The following TAF6 variants were observed in gnomAD, a reference collection of about 807,000 sequenced individuals.
TAF6 encodes the protein transcription initiation factor TFIID subunit 6.
A neutral mutation model predicts 73.5 loss-of-function variants in TAF6; 50 were observed. That is an observed-to-expected ratio of 0.68 (90% confidence interval 0.54 to 0.86). The LOEUF (loss-of-function observed/expected upper bound fraction) is 0.86. Ranked by LOEUF, TAF6 falls within the 40% of genes least tolerant of loss-of-function variation. The probability of loss-of-function intolerance (pLI) is 0.00; values close to 1 mark genes in which losing one functional copy is unlikely to be tolerated. For synonymous variants in TAF6, 424 were observed against 376.7 expected (o/e 1.13, Z -1.45); for missense variants, 768 against 899.5 (o/e 0.85, Z 1.87).
chr7:100,119,323 G>C lies in TAF6; in HGVS notation c.-179C>G. On this transcript the variant is annotated 5_prime_UTR_variant, in exon 1 of 15. Coordinates refer to ENST00000453269, the MANE Select transcript of TAF6 (RefSeq NM_139315.3). ...AAACTCTAGCGGCAGCCGAGACGCT[G>C]CTCACCCGGCGCTCGGCGCCATCTT... The C allele has an allele frequency of 7.7e-6, 8 of 1,035,078 alleles. No homozygotes were observed. Among genetic ancestry groups the C allele is most frequent in the Non-Finnish European group, 9.3e-6 (8 of 859,556 alleles). The allele number at this position is 1,035,078 out of a possible 1,614,324, so 64.1% of individuals were successfully genotyped here. A position where few individuals can be genotyped will look rare whatever the true frequency, so the allele number is the denominator to read the frequency against.
rs567898189 is a variant in TAF6 at position 100,113,547 on chromosome 7, C to G, written c.397+69G>C. 5 of 1,565,106 alleles carry G rather than the reference C, an allele frequency of 3.2e-6. No individual in the cohort carries two copies. In the Admixed American group the frequency reaches 9.3e-5, roughly 29 times the overall value. On this transcript the variant is annotated intron_variant, in intron 4 of 14. Transcript: ENST00000453269. ...ACTGAGCTTTTCTTCTATTGTGAGGCTCCTCACACCTACACACATCTGTCC... is the reference window on the plus strand; with the variant it reads ...ACTGAGCTTTTCTTCTATTGTGAGGGTCCTCACACCTACACACATCTGTCC...
upstream of TAF6, among the ~76,000 whole-genome samples, chr7:100,123,905 C>T (rs552892849): frequency 3.9e-5 from 6 of 152,096 alleles, no homozygotes; most frequent in Admixed American, 1.3e-4. Flanking sequence ...GCGAGACAGG[C>T]GGATCACGAC....
intron 1 of TAF6, chr7:100,118,937 C>T (rs1277372156): frequency 4.1e-6 from 4 of 985,258 alleles, no homozygotes; most frequent in African/African-American, 1.7e-5. Context: ...CTGGCGAACT[C>T]CTACGAATCC....
At position 100,111,445 on chromosome 7, in the gene TAF6, C is replaced by T. The variant is rs4134908; in HGVS notation, c.901-124G>A. On this transcript the variant is annotated intron_variant, in intron 9 of 14. Coordinates refer to ENST00000453269, the MANE Select transcript of TAF6 (RefSeq NM_139315.3). ...ATGGCTAACTGCAGCATCAATCTCC[C>T]GGGCTCAAGCAATTCTCCCATCTCA... is the stretch of plus-strand genomic sequence containing the variant. 5,618 of 1,215,566 alleles carry T rather than the reference C, an allele frequency of 4.6e-3. 202 individuals are homozygous for T. The African/African-American group carries it at 0.077, about 17-fold the overall frequency. 75.3% of individuals were successfully genotyped at this position (1,215,566 alleles called of 1,614,324 possible).
At chr7:100,119,620 G>A, upstream of TAF6, 3 of 1,586,690 alleles carry the variant, frequency 1.9e-6, no homozygotes, top group South Asian at 1.1e-5. Context: ...GGCTGATCCT[G>A]CGCATGCGCC....
At chr7:100,126,443 G>A in the TAF6 span, among the ~76,000 whole-genome samples, 4 of 151,908 alleles carry the variant, frequency 2.6e-5, no homozygotes, top group African/African-American at 7.3e-5. Context: ...TTCAAGACTG[G>A]GGCGAGCTAT....
upstream of TAF6, among the ~76,000 whole-genome samples, chr7:100,123,850 G>T (rs1357092522): frequency 1.3e-5 from 2 of 152,178 alleles, no homozygotes; most frequent in East Asian, 1.9e-4. Context: ...GTAATAATGG[G>T]CCAGGTGCGA....
chr7:100,121,786 C>G (rs967251420), upstream of TAF6, among the ~76,000 whole-genome samples: 1 of 150,610 alleles, frequency 6.6e-6, no homozygotes, highest in Non-Finnish European at 1.5e-5. Flanking sequence ...CGTGGTGGCT[C>G]ACGCCTGTAA....
upstream of TAF6, chr7:100,121,116 ATTTTTTTTTTTTTTTTTTTT>A (rs1163501525): frequency 3.8e-5 from 2 of 52,778 alleles, no homozygotes; most frequent in East Asian, 4.9e-4. Context: ...ATATATATAT[ATTTTTTTTTTTTTTTTTTTT>A]TTTTTTTTTT....
chr7:100,124,356 G>GT (rs1218322781), upstream of TAF6: 1 of 605,652 alleles, frequency 1.7e-6, no homozygotes, highest in Non-Finnish European at 2.9e-6. Flanking sequence ...GCTGGTAAAT[G>GT]TTTGTTGAAT....
chr7:100,118,663 AAAAC>A (rs1376332581), intron 1 of TAF6: 23 of 193,318 alleles, frequency 1.2e-4, no homozygotes, highest in African/African-American at 5.2e-4. Flanking sequence ...TCTCAAAAAA[AAAAC>A]AAAAAAAAAT....
rs772569867 is a variant in TAF6 at position 100,107,513 on chromosome 7, G to A, written c.1767C>T (p.Thr589=). ...AGGGAGCAGTGCTGGGGGGTGCGGT[G>A]GTGGCGGTGGAGACCAACTTGACGA... ...QPIVKLVSTA[T]TAPPSTAPSG... Residue 589 remains threonine, a synonymous_variant, in exon 15 of 15, where the codon ACC becomes ACT. Transcript: ENST00000453269. 2.2e-5 allele frequency: 36 copies of A among 1,614,012 alleles called. No individual in the cohort carries two copies. Among genetic ancestry groups the A allele is most frequent in the Non-Finnish European group, 3.1e-5 (36 of 1,180,016 alleles).
upstream of TAF6, chr7:100,119,854 A>G: frequency 6.2e-7 from 1 of 1,611,884 alleles, no homozygotes; most frequent in East Asian, 2.2e-5. Context: ...TTGCCCAGCA[A>G]ATGCGAAGGT....
At chr7:100,111,868 C>A in intron 8 of TAF6, 39 bp from the exon 9 acceptor site, 2 of 1,613,978 alleles carry the variant, frequency 1.2e-6, no homozygotes, top group Non-Finnish European at 1.7e-6. Flanking sequence ...GGCAGGGAGA[C>A]CCTCACAGGA....
chr7:100,112,339 G>A (rs1797260113), intron 6 of TAF6, 86 bp from the exon 7 acceptor site: 1 of 1,507,780 alleles, frequency 6.6e-7, no homozygotes. Flanking sequence ...CACTTCCCCT[G>A]AGACCCAGGA....
At chr7:100,108,267 A>G in intron 13 of TAF6, 100 bp downstream of exon 13, 18 of 1,473,886 alleles carry the variant, frequency 1.2e-5, no homozygotes, top group Non-Finnish European at 1.4e-5. Context: ...TTGCCCTGAG[A>G]CTACTGACTG....
intron 1 of TAF6, chr7:100,118,796 A>C: frequency 1.0e-6 from 1 of 964,454 alleles, no homozygotes. Context: ...CGAAAAACAA[A>C]TTGGTTCTTT....
rs1796844693 is a variant in TAF6, at chr7:100,108,703, TAGTG to T, written c.1285-167_1285-164del. The T allele has an allele frequency of 5.9e-6, 4 of 682,698 alleles. No individual in the cohort carries two copies. In the East Asian group the frequency reaches 1.1e-4, roughly 19 times the overall value. 42.3% of individuals were successfully genotyped at this position (682,698 alleles called of 1,614,324 possible). A position where few individuals can be genotyped will look rare whatever the true frequency, so the allele number is the denominator to read the frequency against. On this transcript the variant is annotated intron_variant, in intron 12 of 14. Coordinates refer to ENST00000453269, the MANE Select transcript of TAF6 (RefSeq NM_139315.3). ...TGAAGGCCAAATTATGCTGAACTAT[TAGTG>T]TGTGTACAGAACACTGTGGGCTTTC...
chr7:100,124,837 C>G, upstream of TAF6: 1 of 1,608,952 alleles, frequency 6.2e-7, no homozygotes, highest in Non-Finnish European at 8.5e-7. Flanking sequence ...AAGGGGGAGA[C>G]AAGATGACCA....
Sources: gnomAD v4.1 joint callset for allele counts (sites outside exome capture counted in the v4.1 genomes callset) on GRCh38, gnomAD v4.1.1 for gene constraint, MANE v1.5 for transcripts, NCBI Gene and HGNC (gene_info 2026-07-23, HGNC 2026-07-21) for gene names.